Variants in DNAJC25 observed in about 807,000 individuals in gnomAD.
DNAJC25 encodes DnaJ heat shock protein family (Hsp40) member C25.
In DNAJC25, 26 loss-of-function variants were observed where a neutral mutation model predicts 42.1. The observed-to-expected ratio is 0.62, with a 90% confidence interval of 0.45 to 0.86. DNAJC25 has a LOEUF of 0.86. Among genes scored for constraint, DNAJC25 ranks in the 40% least tolerant of loss-of-function variants. The pLI is 0.00. For missense variants in DNAJC25, 404 were observed against 459.4 expected, an observed-to-expected ratio of 0.88 and a Z score of 1.10; for synonymous variants, 189 against 179.9, an observed-to-expected ratio of 1.05 and a Z score of -0.40.
chr9:111,643,055 C>T (rs1319654267), intron 1 of DNAJC25: 1 of 346,236 alleles, frequency 2.9e-6, no homozygotes, highest in African/African-American at 2.1e-5. Flanking sequence ...CCTTAAGATC[C>T]ACAAAATTGC....
chr9:111,631,394 C>T lies in DNAJC25; in HGVS notation c.-14C>T. On this transcript the variant is annotated 5_prime_UTR_variant, in exon 1 of 4. Coordinates refer to ENST00000313525, the MANE Select transcript of DNAJC25 (RefSeq NM_001015882.3). ...AGAATCGCTGGGGTGGCAGAGCCGC[C>T]AGCGAGGCTGGGGATGGGGGCGCCG... The T allele has an allele frequency of 7.8e-7, 1 of 1,274,034 alleles. No individual in the cohort carries two copies. The allele number at this position is 1,274,034 out of a possible 1,614,324, so 78.9% of individuals were successfully genotyped here.
chr9:111,649,739 A>G lies in DNAJC25; in HGVS notation c.776A>G (p.Tyr259Cys), dbSNP rs1830621335. 2 of 1,614,142 alleles carry G rather than the reference A, an allele frequency of 1.2e-6. No homozygotes were observed. The highest frequency in any genetic ancestry group is 1.7e-6 in the Non-Finnish European group (2 of 1,180,020). ...IILAPFHLCS[Y>C]IVWYCRWIYN... ...TTAGCTCCTTTTCACCTATGCTCAT[A>G]TATAGTTTGGTATTGTCGGTGGATC... Residue 259 changes from tyrosine (Y) to cysteine (C), a missense_variant, in exon 3 of 4, where the codon TAT (tyrosine) becomes TGT (cysteine). Coordinates refer to ENST00000313525, the MANE Select transcript of DNAJC25 (RefSeq NM_001015882.3).
Position 111,631,695 on chromosome 9 carries a change from C to T in DNAJC25, c.288C>T (p.Ser96=). The change falls in exon 1 of 4, where the codon AGC becomes AGT. Residue 96 remains serine (S), a synonymous_variant. Coordinates refer to ENST00000313525, the MANE Select transcript of DNAJC25 (RefSeq NM_001015882.3). Reference sequence around the variant, plus strand: ...AGGGCCCCGGGCGGACGCCGCAGAGCGCCGAGGAGGCTTTCCTGCTGGTGG... The same window carrying T: ...AGGGCCCCGGGCGGACGCCGCAGAGTGCCGAGGAGGCTTTCCTGCTGGTGG... ...GDEGPGRTPQ[S]AEEAFLLVAT... is the part of the protein sequence containing the mutation. 1.3e-6 allele frequency: 2 copies of T among 1,525,470 alleles called. No individual in the cohort carries two copies. Among genetic ancestry groups the T allele is most frequent in the Non-Finnish European group, 1.8e-6 (2 of 1,142,660 alleles). 94.5% of individuals were successfully genotyped at this position (1,525,470 alleles called of 1,614,324 possible).
intron 3 of DNAJC25, among the ~76,000 whole-genome samples, chr9:111,652,781 A>AGGTGATCCACCCGCCTTGGCCTCC (rs1280891505): frequency 3.9e-5 from 6 of 152,024 alleles, no homozygotes; most frequent in African/African-American, 1.4e-4. Flanking sequence ...TCCTGACCTC[A>AGGTGATCCACCCGCCTTGGCCTCC]GGTGATCCAC....
At chr9:111,633,546 C>G (rs1830319309) in intron 1 of DNAJC25, among the ~76,000 whole-genome samples, 1 of 152,088 alleles carries the variant, frequency 6.6e-6, no homozygotes, top group Non-Finnish European at 1.5e-5. Context: ...CTGTGTCAAC[C>G]CATCTTCTGG....
At chr9:111,644,655 C>T (rs1830538845) in intron 1 of DNAJC25, among the ~76,000 whole-genome samples, 1 of 152,104 alleles carries the variant, frequency 6.6e-6, no homozygotes. Context: ...CTCCGTGTGG[C>T]ATTTCGTTTA....
chr9:111,649,611 C>T lies in DNAJC25; in HGVS notation c.648C>T (p.Asp216=), dbSNP rs1322259. 56,741 of 1,613,752 alleles carry T rather than the reference C, an allele frequency of 0.035. 1,462 individuals carry two copies. Among genetic ancestry groups the T allele is most frequent in the African/African-American group, 0.13 (9,582 of 74,902 alleles). ...AAAAGTCCAAAGAAGAAATTCGTGA[C>T]GAGGAGGAGAACATCATAAAGAACA... ...KNKKSKEEIR[D]EEENIIKNII... is the part of the protein sequence containing the mutation. The change falls in exon 3 of 4, where the codon GAC becomes GAT. Residue 216 remains aspartate, a synonymous_variant. Coordinates refer to ENST00000313525, the MANE Select transcript of DNAJC25 (RefSeq NM_001015882.3).
At chr9:111,641,231 G>A (rs1227409568) in intron 1 of DNAJC25, among the ~76,000 whole-genome samples, 2 of 143,834 alleles carry the variant, frequency 1.4e-5, no homozygotes, top group African/African-American at 5.2e-5. Flanking sequence ...GAGGTGGGGG[G>A]GTCAGCCCTC....
intron 1 of DNAJC25, among the ~76,000 whole-genome samples, chr9:111,641,615 G>A (rs1389356297): frequency 3.5e-3 from 409 of 117,528 alleles, no homozygotes; most frequent in East Asian, 9.3e-3. Flanking sequence ...CGCCCCGTCC[G>A]GGAGGGAGGT....
intron 2 of DNAJC25, among the ~76,000 whole-genome samples, chr9:111,647,622 C>T (rs937044459): frequency 6.6e-6 from 1 of 152,154 alleles, no homozygotes; most frequent in African/African-American, 2.4e-5. Flanking sequence ...TTAACCTGGC[C>T]TAACAAGTCC....
intron 1 of DNAJC25, among the ~76,000 whole-genome samples, chr9:111,638,995 T>C (rs1830404277): frequency 6.6e-6 from 1 of 152,148 alleles, no homozygotes; most frequent in African/African-American, 2.4e-5. Context: ...TTGATACTTT[T>C]ATACCCTTAA....
At chr9:111,641,215 G>C (rs1445711330) in intron 1 of DNAJC25, among the ~76,000 whole-genome samples, 26 of 141,736 alleles carry the variant, frequency 1.8e-4, no homozygotes, top group African/African-American at 6.7e-4. Context: ...CGCCCCGTCC[G>C]GGAGGGAGGT....
chr9:111,634,725 TG>T (rs1412878949), intron 1 of DNAJC25, among the ~76,000 whole-genome samples: 5 of 136,204 alleles, frequency 3.7e-5, no homozygotes, highest in African/African-American at 5.8e-5. Context: ...GAGGGGGTTT[TG>T]TTTTTTTTTT....
In DNAJC25 at chr9:111,631,354, G is replaced by A. The variant is rs940642965; in HGVS notation, c.-54G>A. On this transcript the variant is annotated 5_prime_UTR_variant, in exon 1 of 4. Transcript: ENST00000313525. ...GGGCCAGACGGGACTAGCCGGGCGC[G>A]CGGCTGAGTGCTGCAGAATCGCTGG... 6.4e-6 allele frequency: 8 copies of A among 1,252,286 alleles called. No homozygotes were observed. In the Admixed American group the frequency reaches 2.1e-4, roughly 33 times the overall value. The allele number at this position is 1,252,286 out of a possible 1,614,324, so 77.6% of individuals were successfully genotyped here.
intron 1 of DNAJC25, chr9:111,642,800 CT>C (rs1830502768): frequency 2.1e-6 from 1 of 469,368 alleles, no homozygotes; most frequent in Non-Finnish European, 4.4e-6. Flanking sequence ...TCAGTACTTT[CT>C]TTGCTTGTGG....
At chr9:111,638,220 G>A (rs1256300161) in intron 1 of DNAJC25, among the ~76,000 whole-genome samples, 4 of 152,164 alleles carry the variant, frequency 2.6e-5, no homozygotes, top group Admixed American at 2.6e-4. Flanking sequence ...TAATCAATGA[G>A]GGAACCAGTA....
intron 2 of DNAJC25, among the ~76,000 whole-genome samples, chr9:111,648,044 T>C (rs1024039421): frequency 6.6e-6 from 1 of 152,212 alleles, no homozygotes; most frequent in Non-Finnish European, 1.5e-5. Context: ...TCCAAAGTGC[T>C]GGAATTACAG....
intron 3 of DNAJC25, among the ~76,000 whole-genome samples, chr9:111,651,711 A>C (rs1230033095): frequency 6.6e-6 from 1 of 151,992 alleles, no homozygotes; most frequent in Non-Finnish European, 1.5e-5. Context: ...ACATGGCGAA[A>C]CCCTGTCTCT....
At chr9:111,636,751 C>T (rs1238034626) in intron 1 of DNAJC25, among the ~76,000 whole-genome samples, 3 of 152,160 alleles carry the variant, frequency 2.0e-5, no homozygotes, top group African/African-American at 7.2e-5. Context: ...GAACAAAACT[C>T]TTACCTTTTA....
Sources: allele counts gnomAD v4.1 joint callset (sites outside exome capture counted in the v4.1 genomes callset), GRCh38; gene constraint gnomAD v4.1.1; transcripts MANE v1.5; gene names NCBI Gene and HGNC (gene_info 2026-07-23, HGNC 2026-07-21).